DNAI7: variants seen among roughly 807,000 people sequenced by gnomAD.
The protein encoded by DNAI7 is dynein axonemal intermediate chain 7, also known as cancer susceptibility 1.
DNAI7 carries 78 observed loss-of-function variants against 86.6 expected under a neutral mutation model. The observed-to-expected ratio is 0.90, with a 90% confidence interval of 0.75 to 1.09. The LOEUF is 1.09. DNAI7 is among the 50% of genes least tolerant of loss of function. The pLI is 0.00. For missense variants in DNAI7, 753 were observed against 810.2 expected, an observed-to-expected ratio of 0.93 and a Z score of 0.86; for synonymous variants, 274 against 273.0, an observed-to-expected ratio of 1.00 and a Z score of -0.04.
chr12:25,114,791 G>T lies in DNAI7; in HGVS notation c.1476C>A (p.Thr492=). ...KERLVTFSLD[T]FGPVTLIQDA... Reference sequence around the variant, plus strand: ...CTTGAATCAAGGTAACAGGGCCAAAGGTGTCCAGGCTGAATGTTACAAGTC... The same window carrying T: ...CTTGAATCAAGGTAACAGGGCCAAATGTGTCCAGGCTGAATGTTACAAGTC... Residue 492 remains threonine, a synonymous_variant, in exon 13 of 16, where the codon ACC becomes ACA. Coordinates refer to ENST00000395987, the MANE Select transcript of DNAI7 (RefSeq NM_018272.5). The T allele has an allele frequency of 6.2e-7, 1 of 1,614,064 alleles. No homozygotes were observed. The highest frequency in any genetic ancestry group is 1.1e-5 in the South Asian group (1 of 91,082).
chr12:25,116,210 G>A (rs948384225), intron 12 of DNAI7, among the ~76,000 whole-genome samples: 2 of 150,956 alleles, frequency 1.3e-5, no homozygotes, highest in African/African-American at 4.9e-5. Flanking sequence ...GGAGGGTTCT[G>A]TTGACAAGTT....
chr12:25,114,335 G>A (rs907727279), intron 13 of DNAI7, among the ~76,000 whole-genome samples: 1 of 152,152 alleles, frequency 6.6e-6, no homozygotes, highest in African/African-American at 2.4e-5. Flanking sequence ...TAAACATCAC[G>A]TAGCCCCTTT....
chr12:25,145,266 C>A (rs955223983), intron 8 of DNAI7, among the ~76,000 whole-genome samples: 13 of 152,264 alleles, frequency 8.5e-5, no homozygotes, highest in Non-Finnish European at 1.8e-4. Flanking sequence ...CCTCAGATTT[C>A]TCTCAGTGCC....
At chr12:25,166,323 A>G (rs1444677876) in intron 2 of DNAI7, among the ~76,000 whole-genome samples, 19 of 152,050 alleles carry the variant, frequency 1.2e-4, no homozygotes, top group African/African-American at 4.1e-4. Flanking sequence ...TATCCACCCC[A>G]TGGTGCCAAA....
intron 2 of DNAI7, among the ~76,000 whole-genome samples, chr12:25,166,183 G>A (rs1030821506): frequency 8.5e-5 from 13 of 152,048 alleles, no homozygotes; most frequent in Admixed American, 6.5e-4. Flanking sequence ...GTTATCACTC[G>A]CCTGCTACAG....
intron 6 of DNAI7, among the ~76,000 whole-genome samples, chr12:25,154,011 A>G (rs1945866403): frequency 6.6e-6 from 1 of 152,170 alleles, no homozygotes; most frequent in Non-Finnish European, 1.5e-5. Flanking sequence ...ATTCCAACTG[A>G]GGATAAAATT....
At chr12:25,159,086 G>A (rs1312520563) in intron 3 of DNAI7, among the ~76,000 whole-genome samples, 3 of 152,168 alleles carry the variant, frequency 2.0e-5, no homozygotes, top group African/African-American at 7.2e-5. Context: ...CCATTACTGG[G>A]TATATACCCA....
chr12:25,162,880 A>G (rs1946987834), intron 2 of DNAI7, among the ~76,000 whole-genome samples: 1 of 152,242 alleles, frequency 6.6e-6, no homozygotes, highest in African/African-American at 2.4e-5. Flanking sequence ...TATCAGAGAA[A>G]AACACACATG....
chr12:25,113,351 G>C (rs1056122299), intron 13 of DNAI7, among the ~76,000 whole-genome samples: 2 of 152,028 alleles, frequency 1.3e-5, no homozygotes, highest in African/African-American at 4.8e-5. Flanking sequence ...GCCCAGGCTG[G>C]AGTGCAGTGG....
chr12:25,113,938 GTTTTTTTTTTTT>G (rs112532652), intron 13 of DNAI7, among the ~76,000 whole-genome samples: 14 of 82,830 alleles, frequency 1.7e-4, no homozygotes, highest in African/African-American at 5.9e-4. Flanking sequence ...TTCTTTCTGG[GTTTTTTTTTTTT>G]TTTTTTTTTT....
chr12:25,158,614 T>C (rs570488353), intron 3 of DNAI7, 51 bp from the exon 4 acceptor site: 1 of 1,560,660 alleles, frequency 6.4e-7, no homozygotes, highest in African/African-American at 1.4e-5. Context: ...ACTGTATTTT[T>C]AAGCCCTTAA....
chr12:25,172,167 T>A (rs1015822936), intron 2 of DNAI7, among the ~76,000 whole-genome samples: 2 of 152,120 alleles, frequency 1.3e-5, no homozygotes, highest in Non-Finnish European at 2.9e-5. Context: ...AAAGAGGAAC[T>A]CGAACTGTCA....
intron 13 of DNAI7, among the ~76,000 whole-genome samples, chr12:25,112,381 G>A (rs1449261679): frequency 6.8e-6 from 1 of 146,168 alleles, no homozygotes; most frequent in Non-Finnish European, 1.5e-5. Context: ...GTTTGAAGGT[G>A]TATAGAATTC....
rs771636917 is a variant in DNAI7, at chr12:25,154,375, C to G, written c.382G>C (p.Glu128Gln). The change falls in exon 6 of 16, where the codon GAG becomes CAG. Residue 128 changes from glutamate (E) to glutamine (Q), a missense_variant. By Grantham distance (29) the Glu-to-Gln change is conservative. Transcript: ENST00000395987. ...EMNTFISLWK[E>Q]KTNETFEEVI... ...TCCTCAAAAGTCTCATTTGTTTTCT[C>G]TTTCCACAAACTAATAAACGTGTTC... 1 of 1,611,456 alleles carries G rather than the reference C, an allele frequency of 6.2e-7. No homozygotes were observed. Among genetic ancestry groups the G allele is most frequent in the African/African-American group, 1.3e-5 (1 of 74,948 alleles).
chr12:25,149,582 G>T, intron 7 of DNAI7, 46 bp downstream of exon 7: 2 of 1,319,206 alleles, frequency 1.5e-6, no homozygotes, highest in African/African-American at 1.5e-5. Context: ...AACATAAAAT[G>T]TTAGCTCTTA....
At chr12:25,157,048 G>A (rs1654669704) in intron 4 of DNAI7, among the ~76,000 whole-genome samples, 1 of 152,164 alleles carries the variant, frequency 6.6e-6, no homozygotes, top group African/African-American at 2.4e-5. Flanking sequence ...CAGCACTTTG[G>A]GAGGCCGAGG....
chr12:25,144,267 T>C (rs761870262), intron 9 of DNAI7, 98 bp downstream of exon 9: 33 of 1,025,752 alleles, frequency 3.2e-5, no homozygotes, highest in Non-Finnish European at 4.0e-5. Flanking sequence ...TCCCAGACAA[T>C]TTCCAGTTGT....
intron 5 of DNAI7, among the ~76,000 whole-genome samples, chr12:25,155,107 T>C (rs1029707491): frequency 6.6e-6 from 1 of 152,208 alleles, no homozygotes; most frequent in African/African-American, 2.4e-5. Context: ...AGTCAAAGAA[T>C]ATAAACATTT....
intron 6 of DNAI7, among the ~76,000 whole-genome samples, chr12:25,152,749 A>G (rs961478535): frequency 2.6e-5 from 4 of 152,190 alleles, no homozygotes; most frequent in African/African-American, 9.6e-5. Context: ...GGGGGTCTGC[A>G]CTAGCTCTAA....
Sources: allele counts gnomAD v4.1 joint callset (sites outside exome capture counted in the v4.1 genomes callset), GRCh38; gene constraint gnomAD v4.1.1; transcripts MANE v1.5; gene names NCBI Gene and HGNC (gene_info 2026-07-23, HGNC 2026-07-21).